The following RPS6KA6 variants were observed in gnomAD, a reference collection of about 807,000 sequenced individuals.
RPS6KA6 encodes the protein ribosomal protein S6 kinase alpha-6.
In RPS6KA6, 27 loss-of-function variants were observed where a neutral mutation model predicts 65.4. The observed-to-expected ratio is 0.41, with a 90% CI of 0.30 to 0.57. The LOEUF is 0.57. Among genes scored for constraint, RPS6KA6 ranks in the 20% least tolerant of loss-of-function variants. RPS6KA6 has a pLI of 0.24. For synonymous variants in RPS6KA6, 190 were observed against 184.2 expected (o/e 1.03, Z -0.26); for missense variants, 486 against 555.6 (o/e 0.87, Z 1.26).
chrX:84,133,597 G>C (rs2034941428), intron 8 of RPS6KA6, among the ~76,000 whole-genome samples: 1 of 110,890 alleles, frequency 9.0e-6, no homozygotes, highest in South Asian at 3.8e-4. Flanking sequence ...TTAATGTAGA[G>C]AGAGAAAAAT....
Position 84,059,778 on chromosome X carries a change from G to C in RPS6KA6, c.*4499C>G, listed in dbSNP as rs2033271630. Reference sequence around the variant, plus strand: ...CAGAAGCTCTATTGTCCAGCGTTTAGAAATGTGAATACAAAGCAAACCCTA... The same window carrying C: ...CAGAAGCTCTATTGTCCAGCGTTTACAAATGTGAATACAAAGCAAACCCTA... On this transcript the variant is annotated 3_prime_UTR_variant, in exon 22 of 22. Transcript: ENST00000262752. 1 of 111,747 alleles carries C rather than the reference G, an allele frequency of 8.9e-6. No individual in the cohort carries two copies. The highest frequency in any genetic ancestry group is 3.7e-4 in the South Asian group (1 of 2,720). 9.2% of individuals were successfully genotyped at this position (111,747 alleles called of 1,213,427 possible).
chrX:84,183,677 T>C (rs181631914), intron 1 of RPS6KA6, among the ~76,000 whole-genome samples: 142 of 111,259 alleles, frequency 1.3e-3, no homozygotes, highest in African/African-American at 4.4e-3. Flanking sequence ...TTCCATGCCT[T>C]TTCTTATATT....
At chrX:84,186,620 A>T (rs1487349237) in intron 1 of RPS6KA6, 2 of 111,730 alleles carry the variant, frequency 1.8e-5, no homozygotes, top group African/African-American at 6.5e-5. Flanking sequence ...TCTTAACCCC[A>T]GTTTAGTTGA....
chrX:84,144,128 C>T (rs185612199), intron 6 of RPS6KA6, among the ~76,000 whole-genome samples: 2 of 110,655 alleles, frequency 1.8e-5, no homozygotes, highest in East Asian at 5.7e-4. Context: ...GGCAGATATG[C>T]CTTACAAAGG....
chrX:84,187,711 G>T, intron 1 of RPS6KA6, 108 bp downstream of exon 1: 4 of 761,995 alleles, frequency 5.2e-6, no homozygotes, highest in South Asian at 2.6e-5. Flanking sequence ...GGGCTTGCCC[G>T]GGAGCCCGCT....
chrX:84,130,811 G>A (rs1323518917), intron 8 of RPS6KA6, among the ~76,000 whole-genome samples: 1 of 111,193 alleles, frequency 9.0e-6, no homozygotes, highest in East Asian at 2.8e-4. Flanking sequence ...CATATATACA[G>A]GAACAGAAAG....
chrX:84,133,708 T>C (rs2034943632), intron 8 of RPS6KA6, among the ~76,000 whole-genome samples: 1 of 111,827 alleles, frequency 8.9e-6, no homozygotes, highest in Non-Finnish European at 1.9e-5. Context: ...TTTTTAATTA[T>C]CTTTTTAATT....
chrX:84,106,752 T>C (rs2034366290), intron 14 of RPS6KA6, among the ~76,000 whole-genome samples, 158 bp downstream of exon 14: 1 of 111,452 alleles, frequency 9.0e-6, no homozygotes, highest in Non-Finnish European at 1.9e-5. Flanking sequence ...CTGTCTGCTC[T>C]TTTCCAAAAC....
Position 84,145,577 on chromosome X carries a change from T to C in RPS6KA6, c.422-20A>G. 2.2e-6 allele frequency: 2 copies of C among 915,919 alleles called. No homozygotes were observed. The highest frequency in any genetic ancestry group is 3.0e-6 in the Non-Finnish European group (2 of 657,248). The allele number at this position is 915,919 out of a possible 1,213,427, so 75.5% of individuals were successfully genotyped here. ...GAAAGGCTAATTAAAAATTAGAATA[T>C]AGTAACAGGATAATCTCAAAGGCTT... On this transcript the variant is annotated intron_variant, in intron 5 of 21. Coordinates refer to ENST00000262752, the MANE Select transcript of RPS6KA6 (RefSeq NM_014496.5).
At chrX:84,081,228 A>G (rs2033791453) in intron 20 of RPS6KA6, among the ~76,000 whole-genome samples, 2 of 111,602 alleles carry the variant, frequency 1.8e-5, no homozygotes, top group Non-Finnish European at 3.8e-5. Flanking sequence ...TAGCCACACT[A>G]TTAAAGAGGA....
intron 19 of RPS6KA6, among the ~76,000 whole-genome samples, chrX:84,097,105 T>A (rs2034172390): frequency 9.0e-6 from 1 of 111,385 alleles, no homozygotes; most frequent in South Asian, 3.7e-4. Flanking sequence ...AATATATGTC[T>A]AAGTACATTA....
chrX:84,117,519 T>C, intron 9 of RPS6KA6, 65 bp from the exon 10 acceptor site: 1 of 715,055 alleles, frequency 1.4e-6, no homozygotes, highest in Non-Finnish European at 2.0e-6. Flanking sequence ...TAAGATTCTC[T>C]AGAAAAAAAC....
At chrX:84,149,406 C>T (rs1192198268) in intron 3 of RPS6KA6, among the ~76,000 whole-genome samples, 2 of 111,804 alleles carry the variant, frequency 1.8e-5, no homozygotes, top group East Asian at 5.7e-4. Flanking sequence ...TTTGCTTTGC[C>T]CAGATTCATC....
At position 84,098,405 on chromosome X, in the gene RPS6KA6, A is replaced by G. The variant is rs746377628; in HGVS notation, c.1777-557T>C. ...GACCACAAGTACACATTTGAAAAAT[A>G]CTGAATGGCTTCATTATTTTTCATA... On this transcript the variant is annotated intron_variant, in intron 18 of 21. Transcript: ENST00000262752. Among the ~76,000 whole-genome samples, 25 of 111,753 alleles carry G rather than the reference A, an allele frequency of 2.2e-4. No homozygotes were observed. The South Asian group carries it at 5.1e-3, about 23-fold the overall frequency.
chrX:84,115,704 T>A (rs1274410026), intron 12 of RPS6KA6, among the ~76,000 whole-genome samples: 1 of 111,902 alleles, frequency 8.9e-6, no homozygotes, highest in East Asian at 2.8e-4. Flanking sequence ...GGAATCAATC[T>A]AAGTGTCCAT....
intron 14 of RPS6KA6, among the ~76,000 whole-genome samples, 160 bp downstream of exon 14, chrX:84,106,750 T>C (rs1421297517): frequency 9.0e-6 from 1 of 111,519 alleles, no homozygotes; most frequent in Non-Finnish European, 1.9e-5. Flanking sequence ...CACTGTCTGC[T>C]CTTTTCCAAA....
chrX:84,124,809 G>A (rs1417679615), intron 8 of RPS6KA6, among the ~76,000 whole-genome samples: 3 of 111,434 alleles, frequency 2.7e-5, no homozygotes, highest in African/African-American at 9.8e-5. Flanking sequence ...GTGCAAGAAA[G>A]TTATAGAACA....
At chrX:84,099,396 T>A (rs2147410948) in intron 18 of RPS6KA6, among the ~76,000 whole-genome samples, 1 of 111,184 alleles carries the variant, frequency 9.0e-6, no homozygotes, top group South Asian at 3.7e-4. Flanking sequence ...ACCTTTTTAC[T>A]TGTATCAAGT....
chrX:84,067,061 C>G (rs2033420465), intron 20 of RPS6KA6, among the ~76,000 whole-genome samples: 2 of 112,033 alleles, frequency 1.8e-5, no homozygotes, highest in African/African-American at 6.5e-5. Flanking sequence ...AACTAACACA[C>G]AGAAAGCAAC....
Sources: allele counts gnomAD v4.1 joint callset (sites outside exome capture counted in the v4.1 genomes callset), GRCh38; gene constraint gnomAD v4.1.1; transcripts MANE v1.5; gene names NCBI Gene and HGNC (gene_info 2026-07-23, HGNC 2026-07-21).